Variants in XKR6 observed in about 807,000 individuals in gnomAD.
The protein encoded by XKR6 is XK-related protein 6.
A neutral mutation model predicts 56.7 loss-of-function variants in XKR6; 22 were observed. That is an observed-to-expected ratio of 0.39 (90% confidence interval 0.28 to 0.55). The LOEUF is 0.55. Among genes scored for constraint, XKR6 ranks in the 20% least tolerant of loss-of-function variants. XKR6 has a pLI of 0.66. For synonymous variants in XKR6, 524 were observed against 387.8 expected (o/e 1.35, Z -4.13); for missense variants, 852 against 889.0 (o/e 0.96, Z 0.53).
In XKR6 at chr8:11,200,651, GC is replaced by G; in HGVS notation, c.688del (p.Ala230ArgfsTer51). ...PGVRVSPTPG[A>X]QRLCRLSVWI... ...CACGGAGAGGCGACACAGGCGCTGC[GC>G]CCCCGGCGTGGGGGAGACCCTCACG... On this transcript the variant is annotated frameshift_variant, in exon 1 of 3. Coordinates refer to ENST00000416569, the MANE Select transcript of XKR6 (RefSeq NM_173683.4). LOFTEE classifies it high-confidence loss of function. The surrounding 1 kb of genome is among the most constrained non-coding windows in gnomAD (Gnocchi z 6.4). The G allele has an allele frequency of 1.9e-6, 3 of 1,549,738 alleles. No individual in the cohort carries two copies. Among genetic ancestry groups the G allele is most frequent in the East Asian group, 2.4e-5 (1 of 41,470 alleles).
At chr8:11,095,620 T>C (rs989920258) in intron 1 of XKR6, among the ~76,000 whole-genome samples, 9 of 152,224 alleles carry the variant, frequency 5.9e-5, no homozygotes, top group African/African-American at 1.9e-4. Flanking sequence ...GCACCCGCCA[T>C]GCCAATAAAT....
At chr8:11,054,776 C>T (rs1442343762) in intron 1 of XKR6, among the ~76,000 whole-genome samples, 3 of 152,094 alleles carry the variant, frequency 2.0e-5, no homozygotes, top group Non-Finnish European at 4.4e-5. Context: ...GGTGAGGGTC[C>T]GAGGGCGGGG....
chr8:11,127,994 TCA>T (rs1799912575), intron 1 of XKR6, among the ~76,000 whole-genome samples: 1 of 152,204 alleles, frequency 6.6e-6, no homozygotes, highest in African/African-American at 2.4e-5. Context: ...TTTTTCTATT[TCA>T]GTTTTCACAT....
intron 1 of XKR6, among the ~76,000 whole-genome samples, chr8:10,945,269 A>T (rs541517183): frequency 6.4e-4 from 98 of 152,318 alleles, no homozygotes; most frequent in Non-Finnish European, 9.6e-4. Flanking sequence ...GGATCACACG[A>T]GGTCGGGAGT....
At chr8:11,183,119 G>A (rs1298331677) in intron 1 of XKR6, among the ~76,000 whole-genome samples, 3 of 152,124 alleles carry the variant, frequency 2.0e-5, no homozygotes, top group African/African-American at 7.2e-5. Context: ...TTGTGTTGAT[G>A]AAGGCTTAGG....
At position 11,201,007 on chromosome 8, in the gene XKR6, C is replaced by A; in HGVS notation, c.333G>T (p.Ser111=). Residue 111 remains serine (S), a synonymous_variant, in exon 1 of 3, where the codon TCG becomes TCT. Coordinates refer to ENST00000416569, the MANE Select transcript of XKR6 (RefSeq NM_173683.4). The part of the protein sequence containing the change: ...PGAGRQPPTP[S]AARPEPPPPQ... ...GCGGCGGCGGCTCCGGCCGCGCGGC[C>A]GAGGGCGTCGGGGGTTGGCGGCCGG... 2 of 1,378,120 alleles carry A rather than the reference C, an allele frequency of 1.5e-6. No individual in the cohort carries two copies. The highest frequency in any genetic ancestry group is 1.9e-6 in the Non-Finnish European group (2 of 1,065,278). 85.4% of individuals were successfully genotyped at this position (1,378,120 alleles called of 1,614,324 possible). A position where few individuals can be genotyped will look rare whatever the true frequency, so the allele number is the denominator to read the frequency against.
At chr8:11,123,664 T>A (rs931796814) in intron 1 of XKR6, 3 of 342,462 alleles carry the variant, frequency 8.8e-6, no homozygotes, top group Non-Finnish European at 1.7e-5. Context: ...CTCAAATATA[T>A]CTTTATGTAT....
At chr8:10,975,014 G>T (rs942555698) in intron 1 of XKR6, among the ~76,000 whole-genome samples, 2 of 152,162 alleles carry the variant, frequency 1.3e-5, no homozygotes, top group African/African-American at 4.8e-5. Flanking sequence ...AGAACATCTG[G>T]TTTCAAATCC....
At chr8:11,179,949 A>G (rs908909459) in intron 1 of XKR6, among the ~76,000 whole-genome samples, 2 of 152,058 alleles carry the variant, frequency 1.3e-5, no homozygotes, top group African/African-American at 4.8e-5. Context: ...CCTGGGCAAC[A>G]TGGCGAGACC....
At chr8:10,919,069 C>T (rs139672616) in intron 2 of XKR6, among the ~76,000 whole-genome samples, 6 of 152,312 alleles carry the variant, frequency 3.9e-5, no homozygotes, top group Non-Finnish European at 8.8e-5. Flanking sequence ...ATCCAAGCTC[C>T]TGGGGTCCCC....
intron 1 of XKR6, among the ~76,000 whole-genome samples, chr8:11,165,879 C>G (rs1404008820): frequency 6.6e-6 from 1 of 151,720 alleles, no homozygotes; most frequent in Non-Finnish European, 1.5e-5. Flanking sequence ...ATGAAGGAAC[C>G]ATAAGTTCTG....
chr8:11,064,391 T>C (rs1488498149), intron 1 of XKR6, among the ~76,000 whole-genome samples: 1 of 152,202 alleles, frequency 6.6e-6, no homozygotes, highest in Non-Finnish European at 1.5e-5. Flanking sequence ...CCCCTCGTGG[T>C]CATGGGCCAT....
chr8:10,929,468 G>A (rs761960984), intron 1 of XKR6, among the ~76,000 whole-genome samples: 3 of 152,220 alleles, frequency 2.0e-5, no homozygotes, highest in Non-Finnish European at 4.4e-5. Flanking sequence ...GGCCAGTGCT[G>A]TTGACTGCTC....
At chr8:10,899,389 TCTC>T (rs913743317) in intron 2 of XKR6, among the ~76,000 whole-genome samples, 1 of 152,212 alleles carries the variant, frequency 6.6e-6, no homozygotes, top group African/African-American at 2.4e-5. Context: ...TCCACACTGT[TCTC>T]CTCTGAGGTG....
chr8:11,146,807 T>A (rs765143819), intron 1 of XKR6, among the ~76,000 whole-genome samples: 1 of 151,808 alleles, frequency 6.6e-6, no homozygotes, highest in African/African-American at 2.4e-5. Context: ...AGGAAGGAAA[T>A]CCTGCCATTT....
At chr8:10,930,138 G>T (rs1277376522) in intron 1 of XKR6, among the ~76,000 whole-genome samples, 1 of 152,198 alleles carries the variant, frequency 6.6e-6, no homozygotes, top group Non-Finnish European at 1.5e-5. Flanking sequence ...CTCTGCCCAA[G>T]ACTGGCTGGG....
intron 1 of XKR6, among the ~76,000 whole-genome samples, chr8:10,978,138 G>A (rs1200815239): frequency 6.6e-6 from 1 of 151,936 alleles, no homozygotes; most frequent in African/African-American, 2.4e-5. Context: ...ACTCAATGAG[G>A]GCCTAGCCCC....
intron 1 of XKR6, among the ~76,000 whole-genome samples, chr8:10,948,736 C>A (rs937051383): frequency 6.6e-6 from 1 of 152,214 alleles, no homozygotes; most frequent in Non-Finnish European, 1.5e-5. Context: ...ACTCCCACCC[C>A]GGCGTGTAGC....
chr8:11,147,422 T>C (rs909281172), intron 1 of XKR6, among the ~76,000 whole-genome samples: 4 of 152,052 alleles, frequency 2.6e-5, no homozygotes, highest in Non-Finnish European at 5.9e-5. Flanking sequence ...TCCCAGCACT[T>C]TGGGAGGCTG....
Sources: allele counts gnomAD v4.1 joint callset (sites outside exome capture counted in the v4.1 genomes callset), GRCh38; gene constraint gnomAD v4.1.1; non-coding constraint Gnocchi (gnomAD v3.1); transcripts MANE v1.5; gene names NCBI Gene and HGNC (gene_info 2026-07-23, HGNC 2026-07-21).